Variants in SLIT1 observed in about 807,000 individuals in gnomAD.
SLIT1 encodes the protein slit homolog 1 protein.
SLIT1 carries 66 observed loss-of-function variants against 186.1 expected under a neutral mutation model. That is an observed-to-expected ratio of 0.35 (90% CI 0.29 to 0.44). The LOEUF (loss-of-function observed/expected upper bound fraction) is 0.44, where lower values mean the gene tolerates loss of function less well. Ranked by LOEUF, SLIT1 falls within the 20% of genes least tolerant of loss-of-function variation. The pLI is 1.00. For synonymous variants in SLIT1, 761 were observed against 833.8 expected, an observed-to-expected ratio of 0.91 and a Z score of 1.50; for missense variants, 1,638 against 2,037.4, an observed-to-expected ratio of 0.80 and a Z score of 3.77.
Position 97,092,690 on chromosome 10 carries a change from T to C in SLIT1, c.414-26604A>G, listed in dbSNP as rs551556807. On this transcript the variant is annotated intron_variant, in intron 4 of 36. Transcript: ENST00000266058. The stretch of plus-strand genomic sequence containing the variant: ...TTCTGGAAGAGAGACTGGTGTATAG[T>C]AGATGCTCAATAAATATTTCTTGAC... 1.1e-4 allele frequency among the ~76,000 whole-genome samples: 16 copies of C among 152,326 alleles called. 1 individual carries two copies. The East Asian group carries it at 2.5e-3, about 24-fold the overall frequency.
At chr10:97,148,209 G>A (rs868775418) in intron 4 of SLIT1, among the ~76,000 whole-genome samples, 16 of 152,030 alleles carry the variant, frequency 1.1e-4, no homozygotes, top group Middle Eastern at 3.4e-3. Flanking sequence ...ATGAGAAAAT[G>A]CACATAAAGT....
rs1334470447 is a variant in SLIT1, at chr10:97,001,268, C to T, written c.4449G>A (p.Leu1483=). ...ACGAGCCCCGGCACTCCACCCATGA[C>T]AGGGGGCGCGTGGTCTGGCAGATGG... ...GYAICQTTRP[L]SWVECRGSCP... The change falls in exon 37 of 37, where the codon CTG becomes CTA. Residue 1483 remains leucine, a synonymous_variant. Transcript: ENST00000266058. 4.3e-6 allele frequency: 7 copies of T among 1,613,112 alleles called. No homozygotes were observed. Among genetic ancestry groups the T allele is most frequent in the Non-Finnish European group, 5.9e-6 (7 of 1,180,016 alleles).
intron 25 of SLIT1, among the ~76,000 whole-genome samples, chr10:97,025,305 C>CTT (rs1848535144): frequency 6.6e-6 from 1 of 150,802 alleles, no homozygotes; most frequent in African/African-American, 2.4e-5. Context: ...AACAAAAAAA[C>CTT]AAAAAACGAC....
chr10:97,055,654 G>A (rs1252038062), intron 13 of SLIT1, among the ~76,000 whole-genome samples: 1 of 152,178 alleles, frequency 6.6e-6, no homozygotes, highest in African/African-American at 2.4e-5. Flanking sequence ...AGAGGCATGA[G>A]CCACCATGCC....
At chr10:97,057,621 A>G (rs946421929) in intron 11 of SLIT1, 1 of 367,470 alleles carries the variant, frequency 2.7e-6, no homozygotes, top group Non-Finnish European at 4.9e-6. Flanking sequence ...AGAATCCAAA[A>G]GGAGATTGTT....
chr10:97,000,825 C>A lies in SLIT1; in HGVS notation c.*287G>T. The A allele has an allele frequency of 2.3e-6, 1 of 438,998 alleles. No homozygotes were observed. The highest frequency in any genetic ancestry group is 6.2e-4 in the Middle Eastern group (1 of 1,602). The allele number at this position is 438,998 out of a possible 1,614,324, so 27.2% of individuals were successfully genotyped here. ...CATCGTTCTGCACTTCTTGGCCTGA[C>A]CTCACGCACACATTCACTCAACAAA... On this transcript the variant is annotated 3_prime_UTR_variant, in exon 37 of 37. Coordinates refer to ENST00000266058, the MANE Select transcript of SLIT1 (RefSeq NM_003061.3).
intron 4 of SLIT1, among the ~76,000 whole-genome samples, chr10:97,106,638 G>GTT (rs142932695): frequency 2.2e-5 from 3 of 134,938 alleles, no homozygotes; most frequent in South Asian, 2.3e-4. Flanking sequence ...ACAAATTAAA[G>GTT]TTGTTTTTTT....
At position 97,040,007 on chromosome 10, in the gene SLIT1, G is replaced by C. The variant is rs1217561371; in HGVS notation, c.2278C>G (p.Pro760Ala). 4 of 1,613,778 alleles carry C rather than the reference G, an allele frequency of 2.5e-6. No individual in the cohort carries two copies. The Admixed American group carries it at 5.0e-5, about 20-fold the overall frequency. The change falls in exon 21 of 37, where the codon CCC becomes GCC. Residue 760 changes from proline to alanine, a missense_variant. Transcript: ENST00000266058. ...ACTCACAGTTCTGTGACATTCTTGG[G>C]AATGCCCTTGGGCAGGGCCCGCAGG... Reference protein sequence around the residue: ...KHLRALPKGIPKNVTELYLDG... With the variant: ...KHLRALPKGIAKNVTELYLDG...
At chr10:97,027,173 C>T (rs1013117942) in intron 25 of SLIT1, among the ~76,000 whole-genome samples, 10 of 152,166 alleles carry the variant, frequency 6.6e-5, no homozygotes, top group African/African-American at 1.4e-4. Flanking sequence ...GTCATAGAGC[C>T]GTGTGCGAGG....
intron 4 of SLIT1, among the ~76,000 whole-genome samples, chr10:97,100,449 C>T (rs936767049): frequency 1.8e-4 from 28 of 151,894 alleles, no homozygotes; most frequent in African/African-American, 6.0e-4. Context: ...CATGGTGAAA[C>T]GCTGTCTCTA....
chr10:97,063,713 G>T, intron 7 of SLIT1, 95 bp from the exon 8 acceptor site: 1 of 1,355,082 alleles, frequency 7.4e-7, no homozygotes, highest in Non-Finnish European at 1.0e-6. Context: ...TGCCCCCGGT[G>T]CTGTGTTCAA....
At chr10:97,167,982 CG>C (rs1850142039) in intron 1 of SLIT1, among the ~76,000 whole-genome samples, 1 of 152,154 alleles carries the variant, frequency 6.6e-6, no homozygotes, top group Non-Finnish European at 1.5e-5. Flanking sequence ...TACCCAGTCT[CG>C]GGTATGTCTT....
chr10:97,026,720 T>C (rs1029732269), intron 25 of SLIT1, among the ~76,000 whole-genome samples: 8 of 152,152 alleles, frequency 5.3e-5, no homozygotes, highest in Admixed American at 5.2e-4. Context: ...GCATAGTAGA[T>C]ATTTGCTGAT....
chr10:97,122,405 A>G (rs1849567400), intron 4 of SLIT1, among the ~76,000 whole-genome samples: 1 of 152,100 alleles, frequency 6.6e-6, no homozygotes, highest in African/African-American at 2.4e-5. Flanking sequence ...AGGGAAACAG[A>G]CTCCTGTTAC....
intron 28 of SLIT1, among the ~76,000 whole-genome samples, chr10:97,016,834 G>C (rs934949650): frequency 2.6e-5 from 4 of 152,178 alleles, no homozygotes; most frequent in African/African-American, 9.7e-5. Context: ...TGAGTAAAAA[G>C]AATTCAAATC....
At chr10:97,110,759 C>T (rs1158621019) in intron 4 of SLIT1, among the ~76,000 whole-genome samples, 2 of 152,216 alleles carry the variant, frequency 1.3e-5, no homozygotes, top group East Asian at 3.8e-4. Context: ...ACGGGACCTT[C>T]CTGCAGCTTT....
At chr10:97,158,814 T>C (rs1373550093) in intron 3 of SLIT1, among the ~76,000 whole-genome samples, 3 of 151,260 alleles carry the variant, frequency 2.0e-5, no homozygotes, top group African/African-American at 7.3e-5. Context: ...AGGGAGGTGG[T>C]GCAGTAAGCT....
rs1848300347 is a variant in SLIT1, at chr10:97,000,863, G to A, written c.*249C>T. On this transcript the variant is annotated 3_prime_UTR_variant, in exon 37 of 37. Coordinates refer to ENST00000266058, the MANE Select transcript of SLIT1 (RefSeq NM_003061.3). ...TTCACTCAACAAATATTTATTAAGC[G>A]CCTATTTGTGCAAGGCACTTCCGGA... is the stretch of plus-strand genomic sequence containing the variant. The A allele has an allele frequency of 5.5e-6, 3 of 542,636 alleles. No homozygotes were observed. Among genetic ancestry groups the A allele is most frequent in the Non-Finnish European group, 9.9e-6 (3 of 302,926 alleles). 33.6% of individuals were successfully genotyped at this position (542,636 alleles called of 1,614,324 possible).
chr10:97,024,626 A>G (rs1321822257), intron 25 of SLIT1, among the ~76,000 whole-genome samples: 2 of 152,244 alleles, frequency 1.3e-5, no homozygotes, highest in African/African-American at 4.8e-5. Context: ...GAATTTTTAA[A>G]TGGTGGTATA....
Sources: gnomAD v4.1 joint callset for allele counts (sites outside exome capture counted in the v4.1 genomes callset) on GRCh38, gnomAD v4.1.1 for gene constraint, MANE v1.5 for transcripts, NCBI Gene and HGNC (gene_info 2026-07-23, HGNC 2026-07-21) for gene names.